Variants in ERBB4 observed in about 807,000 individuals in gnomAD.
ERBB4 encodes the protein receptor tyrosine-protein kinase erbB-4.
In ERBB4, 42 loss-of-function variants were observed where a neutral mutation model predicts 158.0. The observed-to-expected ratio is 0.27, with a 90% CI of 0.21 to 0.34. ERBB4 has a LOEUF of 0.34. Among genes scored for constraint, ERBB4 ranks in the 10% least tolerant of loss-of-function variants. ERBB4 has a pLI of 1.00. For synonymous variants in ERBB4, 583 were observed against 558.7 expected (o/e 1.04, Z -0.61); for missense variants, 1,333 against 1,624.1 (o/e 0.82, Z 3.08).
At chr2:211,737,783 T>C (rs563952077) in intron 5 of ERBB4, among the ~76,000 whole-genome samples, 2 of 152,318 alleles carry the variant, frequency 1.3e-5, no homozygotes, top group Admixed American at 1.3e-4. Context: ...AAGTAATCGA[T>C]GAATGGTAGT....
intron 5 of ERBB4, among the ~76,000 whole-genome samples, chr2:211,733,834 C>T (rs2074511404): frequency 6.6e-6 from 1 of 151,320 alleles, no homozygotes; most frequent in Non-Finnish European, 1.5e-5. Context: ...ATACACCTAG[C>T]ATTTGGGAGG....
chr2:211,827,512 G>T (rs763017837), intron 3 of ERBB4, among the ~76,000 whole-genome samples: 10 of 151,714 alleles, frequency 6.6e-5, no homozygotes, highest in Non-Finnish European at 1.5e-4. Context: ...AAAAATGAAA[G>T]TATTCATGTT....
At chr2:211,544,468 C>T (rs184408692) in intron 20 of ERBB4, among the ~76,000 whole-genome samples, 21 of 152,026 alleles carry the variant, frequency 1.4e-4, no homozygotes, top group East Asian at 5.8e-4. Context: ...CCTGTGGAAA[C>T]GCTTGGGTCG....
intron 1 of ERBB4, among the ~76,000 whole-genome samples, chr2:212,391,020 A>C (rs548316432): frequency 3.9e-5 from 6 of 151,934 alleles, no homozygotes; most frequent in South Asian, 2.1e-4. Context: ...TGAAAGTGAG[A>C]TAGCATATAA....
intron 19 of ERBB4, among the ~76,000 whole-genome samples, chr2:211,562,621 T>C (rs2067429793): frequency 6.6e-6 from 1 of 152,156 alleles, no homozygotes; most frequent in Admixed American, 6.5e-5. Flanking sequence ...TGTCAATTTA[T>C]ATAAAATAAT....
At chr2:211,994,435 A>G (rs1449719875) in intron 2 of ERBB4, among the ~76,000 whole-genome samples, 1 of 152,220 alleles carries the variant, frequency 6.6e-6, no homozygotes, top group Non-Finnish European at 1.5e-5. Flanking sequence ...GCCTGGCTCA[A>G]CGTAACTATT....
intron 3 of ERBB4, among the ~76,000 whole-genome samples, chr2:211,856,641 C>G (rs1338105255): frequency 1.3e-5 from 2 of 152,060 alleles, no homozygotes; most frequent in Non-Finnish European, 2.9e-5. Context: ...CCCGCCTCGG[C>G]CTTCCAAAGT....
At chr2:211,625,803 T>G (rs879333633) in intron 17 of ERBB4, among the ~76,000 whole-genome samples, 2 of 152,144 alleles carry the variant, frequency 1.3e-5, no homozygotes, top group Non-Finnish European at 2.9e-5. Context: ...CACAAAATAC[T>G]GGGAGGGGGC....
chr2:211,544,923 T>G (rs2066903419), intron 20 of ERBB4, among the ~76,000 whole-genome samples: 1 of 152,018 alleles, frequency 6.6e-6, no homozygotes, highest in Admixed American at 6.6e-5. Flanking sequence ...AATCAAACTA[T>G]AAGACAACCT....
At chr2:212,434,158 A>G (rs1331726809) in intron 1 of ERBB4, among the ~76,000 whole-genome samples, 1 of 151,998 alleles carries the variant, frequency 6.6e-6, no homozygotes, top group Admixed American at 6.6e-5. Flanking sequence ...GTGCAAATTC[A>G]CATCCATGTA....
chr2:211,753,715 G>A (rs72948506), intron 4 of ERBB4, among the ~76,000 whole-genome samples: 34,613 of 149,624 alleles, frequency 0.23, 4,320 homozygotes, highest in Non-Finnish European at 0.29. Flanking sequence ...GTTAAGCACA[G>A]GCTTCGATAT....
chr2:211,729,597 C>T (rs1341274727), intron 5 of ERBB4, among the ~76,000 whole-genome samples: 1 of 151,766 alleles, frequency 6.6e-6, no homozygotes, highest in Non-Finnish European at 1.5e-5. Flanking sequence ...AGTGGAAAGG[C>T]ACCATAGAGT....
chr2:211,613,446 C>G (rs1415011738), intron 19 of ERBB4, among the ~76,000 whole-genome samples: 3 of 142,840 alleles, frequency 2.1e-5, no homozygotes, highest in African/African-American at 9.1e-5. Flanking sequence ...AAATGTGAGG[C>G]TCCTGCTGAT....
chr2:212,020,533 C>G (rs757348567), intron 2 of ERBB4, among the ~76,000 whole-genome samples: 4 of 152,038 alleles, frequency 2.6e-5, no homozygotes, highest in Admixed American at 6.6e-5. Flanking sequence ...TTGGTATATA[C>G]GTTTGCTCTT....
At chr2:212,042,636 A>G (rs576940421) in intron 2 of ERBB4, among the ~76,000 whole-genome samples, 8 of 152,136 alleles carry the variant, frequency 5.3e-5, no homozygotes, top group Admixed American at 5.2e-4. Context: ...AAGTGCCTAT[A>G]ATCTTTCTTT....
intron 3 of ERBB4, among the ~76,000 whole-genome samples, chr2:211,842,935 A>G (rs1221926394): frequency 6.6e-6 from 1 of 152,118 alleles, no homozygotes; most frequent in Non-Finnish European, 1.5e-5. Flanking sequence ...TAGCTACATG[A>G]TCCTGGACAA....
At chr2:212,159,098 G>A (rs2081126048) in intron 1 of ERBB4, among the ~76,000 whole-genome samples, 1 of 151,934 alleles carries the variant, frequency 6.6e-6, no homozygotes, top group Admixed American at 6.6e-5. Context: ...ATCTTGGAAA[G>A]TTTACGAAAG....
At chr2:212,455,552 C>T (rs1032439714) in intron 1 of ERBB4, among the ~76,000 whole-genome samples, 9 of 124,116 alleles carry the variant, frequency 7.3e-5, no homozygotes, top group Non-Finnish European at 1.5e-4. Flanking sequence ...ACTCTAAATT[C>T]CTTCACCTTA....
intron 1 of ERBB4, among the ~76,000 whole-genome samples, chr2:212,394,596 G>A (rs1367576000): frequency 6.6e-6 from 1 of 152,038 alleles, no homozygotes; most frequent in Non-Finnish European, 1.5e-5. Context: ...GATCAGAAAA[G>A]ATGTTTACTA....
Sources: allele counts gnomAD v4.1 joint callset (sites outside exome capture counted in the v4.1 genomes callset), GRCh38; gene constraint gnomAD v4.1.1; transcripts MANE v1.5; gene names NCBI Gene and HGNC (gene_info 2026-07-23, HGNC 2026-07-21).